The following GFRA1 variants were observed in gnomAD, a reference collection of about 807,000 sequenced individuals.
GFRA1 encodes the protein GDNF family receptor alpha 1.
In GFRA1, 16 loss-of-function variants were observed where a neutral mutation model predicts 51.6. The observed-to-expected ratio is 0.31, with a 90% confidence interval of 0.21 to 0.47. GFRA1 has a LOEUF of 0.47. GFRA1 is among the 20% of genes least tolerant of loss of function. The pLI is 1.00. For synonymous variants in GFRA1, 270 were observed against 241.3 expected, an observed-to-expected ratio of 1.12 and a Z score of -1.10; for missense variants, 530 against 594.3, an observed-to-expected ratio of 0.89 and a Z score of 1.13.
chr10:116,256,551 C>T (rs1968871616), intron 4 of GFRA1, among the ~76,000 whole-genome samples: 1 of 152,188 alleles, frequency 6.6e-6, no homozygotes, highest in Non-Finnish European at 1.5e-5. Context: ...TTCTTAGGAG[C>T]CAGCTCTGTG....
chr10:116,253,342 T>G (rs921018028), intron 4 of GFRA1, among the ~76,000 whole-genome samples: 2 of 152,050 alleles, frequency 1.3e-5, no homozygotes, highest in Admixed American at 1.3e-4. Flanking sequence ...TTGCGGTGGC[T>G]CATGCCTGTA....
At chr10:116,176,771 G>T (rs1373438955) in intron 5 of GFRA1, among the ~76,000 whole-genome samples, 1 of 112,138 alleles carries the variant, frequency 8.9e-6, no homozygotes, top group South Asian at 3.2e-4. Flanking sequence ...CAGCAATGTT[G>T]GGCCTACCAT....
chr10:116,120,894 C>T (rs1455062196), intron 6 of GFRA1, among the ~76,000 whole-genome samples: 1 of 152,152 alleles, frequency 6.6e-6, no homozygotes. Flanking sequence ...TTCTCAACAG[C>T]GACCCCATGT....
At chr10:116,236,230 C>T (rs959001638) in intron 4 of GFRA1, among the ~76,000 whole-genome samples, 8 of 152,160 alleles carry the variant, frequency 5.3e-5, no homozygotes, top group African/African-American at 1.9e-4. Flanking sequence ...CCTGCACTCC[C>T]TTCCATGCCT....
chr10:116,273,305 A>AG (rs1165675777), upstream of GFRA1: 1 of 151,620 alleles, frequency 6.6e-6, no homozygotes, highest in Non-Finnish European at 1.5e-5. Context: ...AAAAAAAAGA[A>AG]AAAAAAATAG....
At chr10:116,083,662 A>G (rs901228374) in intron 9 of GFRA1, among the ~76,000 whole-genome samples, 1 of 152,112 alleles carries the variant, frequency 6.6e-6, no homozygotes, top group Non-Finnish European at 1.5e-5. Context: ...GGTATTTGGT[A>G]GGCTTGGATA....
At chr10:116,064,612 T>G (rs1955010320) in intron 10 of GFRA1, 68 bp from the exon 11 acceptor site, 3 of 1,426,964 alleles carry the variant, frequency 2.1e-6, no homozygotes, top group East Asian at 4.6e-5. Flanking sequence ...TACTTTACAC[T>G]CTCTCTCCCC....
At chr10:116,252,299 T>A (rs760977917) in intron 4 of GFRA1, among the ~76,000 whole-genome samples, 2 of 152,098 alleles carry the variant, frequency 1.3e-5, no homozygotes, top group Non-Finnish European at 2.9e-5. Flanking sequence ...TGTTTCTATC[T>A]ACCTCGACTG....
At chr10:116,208,742 C>T (rs1163912447) in intron 5 of GFRA1, among the ~76,000 whole-genome samples, 1 of 152,206 alleles carries the variant, frequency 6.6e-6, no homozygotes, top group African/African-American at 2.4e-5. Context: ...AAGGTTGAGG[C>T]AACGGATGAG....
chr10:116,096,877 A>G (rs1270666465), intron 6 of GFRA1, 113 bp from the exon 7 acceptor site: 10 of 412,664 alleles, frequency 2.4e-5, no homozygotes, highest in East Asian at 5.3e-5. Flanking sequence ...CTGCACACGC[A>G]CACGCACACA....
At chr10:116,226,633 AG>A (rs1287986601) in intron 4 of GFRA1, 1 of 197,858 alleles carries the variant, frequency 5.1e-6, no homozygotes, top group African/African-American at 2.3e-5. Context: ...GGTGTATGTG[AG>A]TGGGGGGATG....
At chr10:116,255,490 A>G (rs1452864368) in intron 4 of GFRA1, 2 of 797,084 alleles carry the variant, frequency 2.5e-6, no homozygotes, top group Non-Finnish European at 1.7e-6. Context: ...CTTGAGAATC[A>G]TCAGGAAAAA....
chr10:116,087,563 G>A (rs1956150961), intron 9 of GFRA1, among the ~76,000 whole-genome samples: 1 of 152,198 alleles, frequency 6.6e-6, no homozygotes, highest in East Asian at 1.9e-4. Context: ...CACCCTCTGT[G>A]CACTGAGACA....
intron 5 of GFRA1, among the ~76,000 whole-genome samples, chr10:116,166,322 G>A (rs957370929): frequency 6.6e-6 from 1 of 152,174 alleles, no homozygotes; most frequent in Non-Finnish European, 1.5e-5. Flanking sequence ...CCAGTAGTGG[G>A]AATGTTGAGT....
rs140013815 is a variant in GFRA1 at position 116,213,233 on chromosome 10, T to C, written c.419-1588A>G. ...CGAATGTTCATCATAGCATTGTTTA[T>C]ACTGGCAAAACACTGGATGTTGCCT... On this transcript the variant is annotated intron_variant, in intron 4 of 10. Coordinates refer to ENST00000355422, the MANE Select transcript of GFRA1 (RefSeq NM_005264.8). Among the ~76,000 whole-genome samples the C allele has an allele frequency of 1.4e-3, 213 of 152,368 alleles. 1 individual carries two copies. Among genetic ancestry groups the C allele is most frequent in the Non-Finnish European group, 2.4e-3 (166 of 68,030 alleles).
chr10:116,077,070 G>GAGAAAA (rs1955649305), intron 9 of GFRA1, among the ~76,000 whole-genome samples: 1 of 152,158 alleles, frequency 6.6e-6, no homozygotes, highest in African/African-American at 2.4e-5. Flanking sequence ...CTTTATAAGA[G>GAGAAAA]TTAGGAGCTG....
chr10:116,258,394 A>C (rs2420258), intron 4 of GFRA1, among the ~76,000 whole-genome samples: 2 of 92,792 alleles, frequency 2.2e-5, no homozygotes, highest in African/African-American at 8.0e-5. Flanking sequence ...ATTAATTAAT[A>C]AAATAAAATA....
intron 5 of GFRA1, among the ~76,000 whole-genome samples, chr10:116,137,537 C>T (rs1015079002): frequency 2.0e-5 from 3 of 152,158 alleles, no homozygotes; most frequent in Non-Finnish European, 2.9e-5. Flanking sequence ...TGGCTTTTAC[C>T]GTCACCACAG....
intron 5 of GFRA1, among the ~76,000 whole-genome samples, chr10:116,186,711 A>G (rs1346601960): frequency 6.6e-6 from 1 of 152,166 alleles, no homozygotes; most frequent in African/African-American, 2.4e-5. Context: ...TGCTTAATTA[A>G]TCACAAGCAA....
Sources: gnomAD v4.1 joint callset for allele counts (sites outside exome capture counted in the v4.1 genomes callset) on GRCh38, gnomAD v4.1.1 for gene constraint, MANE v1.5 for transcripts, NCBI Gene and HGNC (gene_info 2026-07-23, HGNC 2026-07-21) for gene names.